Variants in VWA5A observed in about 807,000 individuals in gnomAD.
The protein encoded by VWA5A is von Willebrand factor A domain-containing protein 5A.
Under a neutral mutation model 84.6 loss-of-function variants are expected in VWA5A, and 77 were observed. The ratio of observed to expected loss-of-function variants is 0.91; its 90% CI spans 0.76 to 1.10. The LOEUF is 1.10. Among genes scored for constraint, VWA5A ranks in the 50% least tolerant of loss-of-function variants. The pLI is 0.00. For missense variants in VWA5A, 973 were observed against 963.0 expected (o/e 1.01, Z -0.14); for synonymous variants, 334 against 350.1 (o/e 0.95, Z 0.51).
chr11:124,118,377 C>T lies in VWA5A; in HGVS notation c.435C>T (p.Leu145=). The T allele has an allele frequency of 6.2e-7, 1 of 1,614,206 alleles. No individual in the cohort carries two copies. The part of the protein sequence containing the change: ...LEADGALRFV[L]PAVLNPRYQF... The stretch of plus-strand genomic sequence containing the variant: ...CAGATGGGGCTCTGCGCTTTGTGCT[C>T]CCAGCTGTCCTGAATCCTAGATACC... The change falls in exon 5 of 19, where the codon CTC becomes CTT. Residue 145 remains leucine, a synonymous_variant. Transcript: ENST00000456829.
chr11:124,134,164 C>T lies in VWA5A; in HGVS notation c.1245-756C>T, dbSNP rs75030160. Among the ~76,000 whole-genome samples the T allele has an allele frequency of 7.6e-3, 1,151 of 152,288 alleles. 5 individuals carry two copies. Among genetic ancestry groups the T allele is most frequent in the Non-Finnish European group, 0.011 (735 of 68,024 alleles). ...ATAGTATTTAGGAAGTATTGTTACA[C>T]GTAGGTCCAGTTAGAAGTCTGTTCC... On this transcript the variant is annotated intron_variant, in intron 11 of 18. Transcript: ENST00000456829.
At chr11:124,143,506 A>G (rs564683717) in intron 17 of VWA5A, among the ~76,000 whole-genome samples, 82 of 152,302 alleles carry the variant, frequency 5.4e-4, no homozygotes, top group Middle Eastern at 3.4e-3. Flanking sequence ...GAGGTGTGCT[A>G]TGGTGGGAAA....
intron 7 of VWA5A, among the ~76,000 whole-genome samples, chr11:124,121,732 T>G (rs780334262): frequency 1.3e-5 from 2 of 152,164 alleles, no homozygotes. Flanking sequence ...TGAAAATAAT[T>G]TGAGCCAGGC....
chr11:124,116,004 C>T (rs1864822343), intron 1 of VWA5A: 1 of 152,226 alleles, frequency 6.6e-6, no homozygotes. Context: ...CACTTCTTAC[C>T]CCAAATCTCC....
chr11:124,142,225 C>A (rs1427072358), intron 16 of VWA5A, among the ~76,000 whole-genome samples: 1 of 152,242 alleles, frequency 6.6e-6, no homozygotes, highest in Non-Finnish European at 1.5e-5. Flanking sequence ...CGCCCCCCAG[C>A]AGAGCCCTGC....
Position 124,137,053 on chromosome 11 carries a change from A to G in VWA5A, c.1664A>G (p.Gln555Arg), listed in dbSNP as rs756606640. Residue 555 changes from glutamine to arginine, a missense_variant, in exon 15 of 19, where the codon CAG becomes CGG. Transcript: ENST00000456829. ...IHRLAAKSLLQTKDMGLRETP... is the reference protein window; with the variant it reads ...IHRLAAKSLLRTKDMGLRETP... ...CGCCTTGCTGCCAAGTCCTTGCTCC[A>G]GACCAAGGACATGGGCCTCAGGGAG... is the stretch of plus-strand genomic sequence containing the variant. 1 of 1,612,692 alleles carries G rather than the reference A, an allele frequency of 6.2e-7. No individual in the cohort carries two copies. The highest frequency in any genetic ancestry group is 8.5e-7 in the Non-Finnish European group (1 of 1,179,718).
chr11:124,124,638 A>G, intron 11 of VWA5A: 1 of 916,648 alleles, frequency 1.1e-6, no homozygotes, highest in Non-Finnish European at 1.4e-6. Context: ...TTATAAGCAT[A>G]CAACTGGACT....
intron 15 of VWA5A, 115 bp downstream of exon 15, chr11:124,137,383 A>G (rs990622128): frequency 4.5e-5 from 61 of 1,354,380 alleles, no homozygotes; most frequent in Non-Finnish European, 1.9e-5. Flanking sequence ...TTTTCCTTAT[A>G]CCTCCACATC....
chr11:124,135,352 T>G (rs988215257), intron 12 of VWA5A, among the ~76,000 whole-genome samples: 11 of 152,232 alleles, frequency 7.2e-5, no homozygotes, highest in African/African-American at 2.6e-4. Context: ...AGACTGAGAT[T>G]CTAGGTCTGC....
intron 7 of VWA5A, among the ~76,000 whole-genome samples, chr11:124,122,027 G>A (rs1206257192): frequency 6.6e-5 from 10 of 152,134 alleles, no homozygotes; most frequent in Non-Finnish European, 1.3e-4. Context: ...TTATTTAGAA[G>A]CCAGTTTGGT....
rs747405717 is a variant in VWA5A, at chr11:124,123,348, A to G, written c.931-18A>G. The G allele has an allele frequency of 7.5e-6, 12 of 1,609,236 alleles. No individual in the cohort carries two copies. Among genetic ancestry groups the G allele is most frequent in the African/African-American group, 1.3e-5 (1 of 74,516 alleles). On this transcript the variant is annotated intron_variant, in intron 8 of 18. Coordinates refer to ENST00000456829, the MANE Select transcript of VWA5A (RefSeq NM_001130142.2). ...CGAGCCTCTCTCACTCTGTCTCTTC[A>G]TACTCTCTTACCTTCAGGAAACACT...
At chr11:124,140,155 G>A (rs1024562681) in intron 15 of VWA5A, among the ~76,000 whole-genome samples, 6 of 152,148 alleles carry the variant, frequency 3.9e-5, no homozygotes, top group African/African-American at 7.2e-5. Flanking sequence ...AATGATGCAT[G>A]ATCATTTTAA....
chr11:124,141,687 A>G lies in VWA5A; in HGVS notation c.1969A>G (p.Met657Val). ...GTGTTATAAGGCCAAGACATTCCAGATGGACGATTACAGTCTCTGTGGGTT... is the reference window on the plus strand; with the variant it reads ...GTGTTATAAGGCCAAGACATTCCAGGTGGACGATTACAGTCTCTGTGGGTT... ...LMCYKAKTFQMDDYSLCGLIS... is the reference protein window; with the variant it reads ...LMCYKAKTFQVDDYSLCGLIS... The change falls in exon 16 of 19, where the codon ATG (methionine) becomes GTG (valine). Residue 657 changes from methionine (M) to valine (V), a missense_variant. Transcript: ENST00000456829. 6.2e-7 allele frequency: 1 copy of G among 1,614,174 alleles called. No homozygotes were observed. Among genetic ancestry groups the G allele is most frequent in the Non-Finnish European group, 8.5e-7 (1 of 1,180,022 alleles).
chr11:124,136,784 C>A, intron 14 of VWA5A, 110 bp downstream of exon 14: 1 of 812,556 alleles, frequency 1.2e-6, no homozygotes, highest in Admixed American at 2.3e-5. Flanking sequence ...CTCCCTCCTT[C>A]CTTCCTTCTT....
intron 14 of VWA5A, 138 bp downstream of exon 14, chr11:124,136,812 G>A: frequency 2.3e-6 from 2 of 879,638 alleles, no homozygotes; most frequent in Non-Finnish European, 3.3e-6. Context: ...CCATCTTTGG[G>A]GATTAGATTT....
At chr11:124,121,207 A>C (rs1458681120) in intron 7 of VWA5A, among the ~76,000 whole-genome samples, 2 of 152,240 alleles carry the variant, frequency 1.3e-5, no homozygotes, top group Non-Finnish European at 2.9e-5. Context: ...AGATGTACTT[A>C]CGATATTAAG....
At chr11:124,130,108 T>G (rs1348805499) in intron 11 of VWA5A, among the ~76,000 whole-genome samples, 1 of 152,244 alleles carries the variant, frequency 6.6e-6, no homozygotes, top group Admixed American at 6.5e-5. Flanking sequence ...CTTTGTTCTG[T>G]GGGCATTTAG....
chr11:124,136,704 C>T, intron 14 of VWA5A, 30 bp downstream of exon 14: 1 of 870,566 alleles, frequency 1.1e-6, no homozygotes. Flanking sequence ...TTCCTTCCTT[C>T]CTTCCTTCCT....
At chr11:124,118,939 A>T (rs1864886827) in intron 6 of VWA5A, 36 bp from the exon 7 acceptor site, 1 of 1,600,022 alleles carries the variant, frequency 6.2e-7, no homozygotes. Context: ...AGAAGTTATG[A>T]TTCTAATGTG....
Sources: allele counts gnomAD v4.1 joint callset (sites outside exome capture counted in the v4.1 genomes callset), GRCh38; gene constraint gnomAD v4.1.1; transcripts MANE v1.5; gene names NCBI Gene and HGNC (gene_info 2026-07-23, HGNC 2026-07-21).